The following SPATS2 variants were observed in gnomAD, a reference collection of about 807,000 sequenced individuals.
SPATS2 encodes spermatogenesis-associated serine-rich protein 2.
In SPATS2, 38 loss-of-function variants were observed where a neutral mutation model predicts 63.7. The ratio of observed to expected loss-of-function variants is 0.60; its 90% CI spans 0.46 to 0.78. SPATS2 has a LOEUF of 0.78. SPATS2 is among the 30% of genes least tolerant of loss of function. The pLI is 0.00. For missense variants in SPATS2, 588 were observed against 666.2 expected, an observed-to-expected ratio of 0.88 and a Z score of 1.29; for synonymous variants, 207 against 232.9, an observed-to-expected ratio of 0.89 and a Z score of 1.01.
intron 2 of SPATS2, among the ~76,000 whole-genome samples, chr12:49,444,869 G>T (rs1026962719): frequency 1.3e-5 from 2 of 152,170 alleles, no homozygotes; most frequent in African/African-American, 4.8e-5. Context: ...CTCCCAAAGT[G>T]CAGGGATTAC....
chr12:49,421,416 C>CAAAAAAAAAAAAAAAAA lies in SPATS2; in HGVS notation c.-243-39343_-243-39327dup, dbSNP rs71080195. Among the ~76,000 whole-genome samples the CAAAAAAAAAAAAAAAAA allele has an allele frequency of 3.8e-5, 2 of 52,108 alleles. 1 individual carries two copies. The highest frequency in any genetic ancestry group is 6.4e-5 in the Non-Finnish European group (2 of 31,414). The allele number at this position is 52,108 out of a possible 152,430, so 34.2% of individuals were successfully genotyped here. On this transcript the variant is annotated intron_variant, in intron 2 of 13. Coordinates refer to ENST00000552918, the MANE Select transcript of SPATS2 (RefSeq NM_023071.4). ...TGGGCAACAGAGCAAGACTTTGTCT[C>CAAAAAAAAAAAAAAAAA]AAAAAAAAAAAAAAAAAAAAAAAAA... is the stretch of plus-strand genomic sequence containing the variant.
chr12:49,371,668 A>G (rs1028773870), intron 2 of SPATS2, among the ~76,000 whole-genome samples: 1 of 152,172 alleles, frequency 6.6e-6, no homozygotes, highest in Admixed American at 6.5e-5. Flanking sequence ...GCTTCTGGGG[A>G]GGCCTCAGGA....
intron 9 of SPATS2, among the ~76,000 whole-genome samples, chr12:49,505,504 T>A (rs1301333832): frequency 6.6e-6 from 1 of 152,180 alleles, no homozygotes; most frequent in African/African-American, 2.4e-5. Context: ...CAGAAACTAG[T>A]TGAGCATCCC....
At chr12:49,409,445 A>G (rs1001129681) in intron 2 of SPATS2, among the ~76,000 whole-genome samples, 4 of 151,902 alleles carry the variant, frequency 2.6e-5, no homozygotes, top group African/African-American at 9.7e-5. Flanking sequence ...AGTTGGGACT[A>G]CAGGTGCCCA....
chr12:49,404,013 G>A (rs1251923464), intron 2 of SPATS2, among the ~76,000 whole-genome samples: 1 of 152,142 alleles, frequency 6.6e-6, no homozygotes, highest in African/African-American at 2.4e-5. Context: ...AGATTCATTC[G>A]TTCCAGTGGA....
intron 2 of SPATS2, among the ~76,000 whole-genome samples, chr12:49,426,399 G>A (rs1945076427): frequency 6.6e-6 from 1 of 152,134 alleles, no homozygotes. Flanking sequence ...TCTGACTTAT[G>A]TCACAATAGA....
intron 2 of SPATS2, among the ~76,000 whole-genome samples, chr12:49,446,582 C>G (rs1463751962): frequency 6.6e-6 from 1 of 152,150 alleles, no homozygotes; most frequent in Admixed American, 6.5e-5. Flanking sequence ...AGCCTCCTGG[C>G]CCCCTTCAAA....
chr12:49,387,674 G>A (rs1434463720), intron 2 of SPATS2, among the ~76,000 whole-genome samples: 1 of 151,484 alleles, frequency 6.6e-6, no homozygotes, highest in Non-Finnish European at 1.5e-5. Flanking sequence ...GTGGGAGATG[G>A]GAGATGAGAG....
chr12:49,389,730 GA>G, intron 2 of SPATS2: 1 of 1,546,390 alleles, frequency 6.5e-7, no homozygotes, highest in Non-Finnish European at 8.9e-7. Context: ...AATCCAGCAA[GA>G]AAACAGACAA....
chr12:49,372,761 G>A (rs780154784), intron 2 of SPATS2, among the ~76,000 whole-genome samples: 1 of 151,330 alleles, frequency 6.6e-6, no homozygotes, highest in African/African-American at 2.4e-5. Flanking sequence ...TAAATATTTC[G>A]AGCGGATACC....
At chr12:49,437,403 C>T (rs1246727195) in intron 2 of SPATS2, among the ~76,000 whole-genome samples, 7 of 152,078 alleles carry the variant, frequency 4.6e-5, no homozygotes, top group East Asian at 1.9e-4. Flanking sequence ...CAGGCAGAGA[C>T]GCTCCTCACT....
At chr12:49,432,411 T>C (rs1296269502) in intron 2 of SPATS2, among the ~76,000 whole-genome samples, 79 of 152,298 alleles carry the variant, frequency 5.2e-4, no homozygotes, top group Non-Finnish European at 4.4e-5. Context: ...GGCGGAGGTT[T>C]CAGTGAGCCA....
Position 49,492,681 on chromosome 12 carries a change from A to G in SPATS2, c.264+1950A>G, listed in dbSNP as rs1322482516. On this transcript the variant is annotated intron_variant, in intron 6 of 13. Coordinates refer to ENST00000552918, the MANE Select transcript of SPATS2 (RefSeq NM_023071.4). Reference sequence around the variant, plus strand: ...TTAGCAGTCCCAAATGCACAAATCCAGTCCAGTCCACTTAACTGTTGGGAT... The same window carrying G: ...TTAGCAGTCCCAAATGCACAAATCCGGTCCAGTCCACTTAACTGTTGGGAT... Among the ~76,000 whole-genome samples, 7 of 152,368 alleles carry G rather than the reference A, an allele frequency of 4.6e-5. No individual in the cohort carries two copies. In the East Asian group the frequency reaches 1.3e-3, roughly 29 times the overall value.
chr12:49,431,740 T>C (rs1480835172), intron 2 of SPATS2, among the ~76,000 whole-genome samples: 1 of 152,152 alleles, frequency 6.6e-6, no homozygotes, highest in African/African-American at 2.4e-5. Flanking sequence ...TTCCTAGAAA[T>C]TGTCTTGCTA....
intron 4 of SPATS2, 152 bp downstream of exon 4, chr12:49,484,821 G>A (rs1946262238): frequency 1.6e-6 from 1 of 641,104 alleles, no homozygotes; most frequent in Non-Finnish European, 2.6e-6. Flanking sequence ...CCATAAATAG[G>A]TTCTGATTGC....
chr12:49,516,180 T>A lies in SPATS2; in HGVS notation c.898+1567T>A, dbSNP rs865881132. 5.7e-3 allele frequency among the ~76,000 whole-genome samples: 358 copies of A among 62,716 alleles called. 2 individuals carry two copies. The highest frequency in any genetic ancestry group is 9.7e-3 in the Non-Finnish European group (294 of 30,172). 41.1% of individuals were successfully genotyped at this position (62,716 alleles called of 152,430 possible). A position where few individuals can be genotyped will look rare whatever the true frequency, so the allele number is the denominator to read the frequency against. On this transcript the variant is annotated intron_variant, in intron 10 of 13. Coordinates refer to ENST00000552918, the MANE Select transcript of SPATS2 (RefSeq NM_023071.4). ...AAAAAAAAAAAAATATATATATATATATATATATATATATATATATATATA... is the reference window on the plus strand; with the variant it reads ...AAAAAAAAAAAAATATATATATATAAATATATATATATATATATATATATA...
chr12:49,442,786 T>TAAAAAAAAAAAAAAAA lies in SPATS2; in HGVS notation c.-243-17963_-243-17948dup, dbSNP rs71439499. ...GCAACAGAGAGAGACCATGTCTCCT[T>TAAAAAAAAAAAAAAAA]AAAAAAAAAAAAAAAAAAAAAAAAA... On this transcript the variant is annotated intron_variant, in intron 2 of 13. Coordinates refer to ENST00000552918, the MANE Select transcript of SPATS2 (RefSeq NM_023071.4). 2 of 27,152 alleles carry TAAAAAAAAAAAAAAAA rather than the reference T, an allele frequency of 7.4e-5. 1 individual carries two copies. The highest frequency in any genetic ancestry group is 1.8e-4 in the Non-Finnish European group (2 of 10,876). 1.7% of individuals were successfully genotyped at this position (27,152 alleles called of 1,614,324 possible). A position where few individuals can be genotyped will look rare whatever the true frequency, so the allele number is the denominator to read the frequency against.
At chr12:49,471,881 G>A (rs1946039855) in intron 3 of SPATS2, among the ~76,000 whole-genome samples, 1 of 152,118 alleles carries the variant, frequency 6.6e-6, no homozygotes, top group Non-Finnish European at 1.5e-5. Context: ...GGGTGCAGTG[G>A]CTCGTACCTG....
intron 2 of SPATS2, among the ~76,000 whole-genome samples, chr12:49,380,366 T>C (rs1435513905): frequency 1.3e-5 from 2 of 152,038 alleles, no homozygotes; most frequent in African/African-American, 4.8e-5. Flanking sequence ...AGTCCGTTGT[T>C]CAGATATACA....
Sources: allele counts gnomAD v4.1 joint callset (sites outside exome capture counted in the v4.1 genomes callset), GRCh38; gene constraint gnomAD v4.1.1; transcripts MANE v1.5; gene names NCBI Gene and HGNC (gene_info 2026-07-23, HGNC 2026-07-21).